Variants in CUX1 observed in about 807,000 individuals in gnomAD.
CUX1 encodes cut like homeobox 1.
CUX1 carries 31 observed loss-of-function variants against 158.8 expected under a neutral mutation model. That is an observed-to-expected ratio of 0.20 (90% CI 0.15 to 0.26). The LOEUF is 0.26. Ranked by LOEUF, CUX1 falls within the 10% of genes least tolerant of loss-of-function variation. The pLI is 1.00. For synonymous variants in CUX1, 879 were observed against 862.1 expected (o/e 1.02, Z -0.34); for missense variants, 1,589 against 2,014.6 (o/e 0.79, Z 4.04).
rs1275595664 is a variant in CUX1, at chr7:101,869,460, G to A, written c.31-46655G>A. Among the ~76,000 whole-genome samples the A allele has an allele frequency of 1.3e-5, 2 of 152,136 alleles. No homozygotes were observed. The highest frequency in any genetic ancestry group is 1.3e-4 in the Admixed American group (2 of 15,282). On this transcript the variant is annotated intron_variant, in intron 1 of 23. Transcript: ENST00000292535. The surrounding 1 kb of genome is among the most constrained non-coding windows in gnomAD (Gnocchi z 4.5). Reference sequence around the variant, plus strand: ...AGGTCTCCTAATGCCTGGCATGTGCGTCAACGCATCTCTGAGGATGGAATT... The same window carrying A: ...AGGTCTCCTAATGCCTGGCATGTGCATCAACGCATCTCTGAGGATGGAATT...
chr7:102,238,277 C>T (rs561771336), intron 22 of CUX1, among the ~76,000 whole-genome samples: 4 of 152,230 alleles, frequency 2.6e-5, no homozygotes, highest in East Asian at 1.9e-4. Context: ...CTGAGGCTAC[C>T]GCTAGACCAC....
At chr7:101,864,663 GTC>G (rs1198091681) in intron 1 of CUX1, among the ~76,000 whole-genome samples, 1 of 151,968 alleles carries the variant, frequency 6.6e-6, no homozygotes, top group Non-Finnish European at 1.5e-5. Context: ...CAATTCTCCT[GTC>G]TCAGCCTCCC....
chr7:101,878,228 A>G (rs1799357419), intron 1 of CUX1, among the ~76,000 whole-genome samples: 1 of 152,228 alleles, frequency 6.6e-6, no homozygotes, highest in African/African-American at 2.4e-5. Flanking sequence ...GAAATCGGTT[A>G]CTGTGGGACA....
At chr7:102,030,549 C>T (rs1820624226) in intron 3 of CUX1, among the ~76,000 whole-genome samples, 1 of 152,168 alleles carries the variant, frequency 6.6e-6, no homozygotes, top group African/African-American at 2.4e-5. Context: ...AATTCCAGGT[C>T]ATCTCATATT....
At chr7:102,216,592 ACACTCC>A (rs1234996332) in intron 20 of CUX1, among the ~76,000 whole-genome samples, 7 of 43,906 alleles carry the variant, frequency 1.6e-4, no homozygotes, top group Admixed American at 6.5e-4. Flanking sequence ...TCCCACACAC[ACACTCC>A]CACACACACA....
At chr7:102,215,695 G>A (rs782245620) in intron 20 of CUX1, among the ~76,000 whole-genome samples, 10 of 152,200 alleles carry the variant, frequency 6.6e-5, no homozygotes, top group Non-Finnish European at 1.0e-4. Flanking sequence ...GGTTCTGCCC[G>A]GGTCTTTGTA....
In CUX1 at chr7:102,117,449, C is replaced by G. The variant is rs1024770195; in HGVS notation, c.674+2176C>G. On this transcript the variant is annotated intron_variant, in intron 8 of 23. Coordinates refer to ENST00000292535, the MANE Select transcript of CUX1 (RefSeq NM_181552.4). ...AATATTGGGCCTATTTGCAGAGGTG[C>G]AGTTCCTAGGCTCATAGTACCGGCA... 4.2e-5 allele frequency among the ~76,000 whole-genome samples: 6 copies of G among 141,264 alleles called. No homozygotes were observed. The Admixed American group carries it at 4.3e-4, about 10-fold the overall frequency. The allele number at this position is 141,264 out of a possible 152,430, so 92.7% of individuals were successfully genotyped here. A position where few individuals can be genotyped will look rare whatever the true frequency, so the allele number is the denominator to read the frequency against.
chr7:101,998,905 G>C (rs1054887547), intron 2 of CUX1, among the ~76,000 whole-genome samples: 1 of 152,200 alleles, frequency 6.6e-6, no homozygotes, highest in African/African-American at 2.4e-5. Context: ...CCAGGTTCAC[G>C]GCTGGGCTTT....
chr7:102,195,455 G>A, intron 13 of CUX1, 52 bp from the exon 14 acceptor site: 1 of 1,473,128 alleles, frequency 6.8e-7, no homozygotes, highest in Non-Finnish European at 9.3e-7. Flanking sequence ...GTGGCCCCGG[G>A]AGCGGGTGAG....
chr7:101,971,523 A>G lies in CUX1; in HGVS notation c.141+55298A>G, dbSNP rs112454098. ...TGTAAATAAAGTGAGAGGAAAAGGCAGTTAGAACCAGAATTAGACAACTAT... is the reference window on the plus strand; with the variant it reads ...TGTAAATAAAGTGAGAGGAAAAGGCGGTTAGAACCAGAATTAGACAACTAT... On this transcript the variant is annotated intron_variant, in intron 2 of 23. Coordinates refer to ENST00000292535, the MANE Select transcript of CUX1 (RefSeq NM_181552.4). Among the ~76,000 whole-genome samples the G allele has an allele frequency of 7.9e-5, 12 of 152,346 alleles. 1 individual carries two copies. Among genetic ancestry groups the G allele is most frequent in the African/African-American group, 2.4e-4 (10 of 41,582 alleles).
chr7:101,885,371 C>T (rs1227794860), intron 1 of CUX1, among the ~76,000 whole-genome samples: 1 of 152,094 alleles, frequency 6.6e-6, no homozygotes, highest in African/African-American at 2.4e-5. Flanking sequence ...ATTAAAGCTA[C>T]AGGAGAGGCA....
intron 1 of CUX1, among the ~76,000 whole-genome samples, chr7:101,852,695 A>G (rs1375193709): frequency 1.0e-4 from 5 of 48,316 alleles, no homozygotes; most frequent in Admixed American, 2.8e-4. Flanking sequence ...TTTTTTTTTG[A>G]GATGAGGTTT....
At chr7:102,103,708 T>C (rs2130978586) in intron 5 of CUX1, among the ~76,000 whole-genome samples, 1 of 152,254 alleles carries the variant, frequency 6.6e-6, no homozygotes, top group African/African-American at 2.4e-5. Context: ...GTTCTGGGAT[T>C]ACAGATGTGA....
chr7:101,864,876 A>ATTTAAGCTTCATG (rs1317696113), intron 1 of CUX1, among the ~76,000 whole-genome samples: 1 of 152,220 alleles, frequency 6.6e-6, no homozygotes, highest in Non-Finnish European at 1.5e-5. Flanking sequence ...TTTAATACTT[A>ATTTAAGCTTCATG]TTTAAGCTTC....
In CUX1 at chr7:102,250,793, CGT is replaced by C. The variant is rs146557006; in HGVS notation, c.*1757_*1758del. On this transcript the variant is annotated 3_prime_UTR_variant, in exon 24 of 24. Coordinates refer to ENST00000292535, the MANE Select transcript of CUX1 (RefSeq NM_181552.4). ...GCGGGTGAGAGTGTGCGTGCGTGTG[CGT>C]GTGTGCAATTTTATACGTCTGTGTA... 6 of 985,020 alleles carry C rather than the reference CGT, an allele frequency of 6.1e-6. No homozygotes were observed. The highest frequency in any genetic ancestry group is 7.2e-6 in the Non-Finnish European group (6 of 829,780). The allele number at this position is 985,020 out of a possible 1,614,324, so 61.0% of individuals were successfully genotyped here. A position where few individuals can be genotyped will look rare whatever the true frequency, so the allele number is the denominator to read the frequency against.
At chr7:102,132,675 C>CTTTGCT (rs782335692) in intron 8 of CUX1, among the ~76,000 whole-genome samples, 10 of 103,440 alleles carry the variant, frequency 9.7e-5, no homozygotes, top group Non-Finnish European at 1.2e-4. Flanking sequence ...TTTTTCTTTG[C>CTTTGCT]TTTTCTTTTT....
At chr7:102,007,289 A>T (rs1817502405) in intron 2 of CUX1, among the ~76,000 whole-genome samples, 1 of 152,064 alleles carries the variant, frequency 6.6e-6, no homozygotes, top group Non-Finnish European at 1.5e-5. Flanking sequence ...TTCTCAGATC[A>T]GACCACTCAC....
chr7:101,902,294 G>A (rs1802238472), intron 1 of CUX1, among the ~76,000 whole-genome samples: 1 of 152,172 alleles, frequency 6.6e-6, no homozygotes, highest in Admixed American at 6.6e-5. Flanking sequence ...GTGAAATGGG[G>A]CGGTACCTCC....
chr7:102,006,430 G>A (rs900273499), intron 2 of CUX1, among the ~76,000 whole-genome samples: 1 of 151,848 alleles, frequency 6.6e-6, no homozygotes, highest in Non-Finnish European at 1.5e-5. Flanking sequence ...AGAGTCTCGC[G>A]CTATCACCCA....
Sources: allele counts gnomAD v4.1 joint callset (sites outside exome capture counted in the v4.1 genomes callset), GRCh38; gene constraint gnomAD v4.1.1; non-coding constraint Gnocchi (gnomAD v3.1); transcripts MANE v1.5; gene names NCBI Gene and HGNC (gene_info 2026-07-23, HGNC 2026-07-21).